Variants in SEPTIN10 observed in about 807,000 individuals in gnomAD.
SEPTIN10 encodes the protein septin-10.
In SEPTIN10, 66 loss-of-function variants were observed where a neutral mutation model predicts 54.8. The observed-to-expected ratio is 1.21, with a 90% CI of 0.99 to 1.48. The LOEUF (loss-of-function observed/expected upper bound fraction) is 1.48. SEPTIN10 is among the 40% of genes most tolerant of loss of function. The probability of loss-of-function intolerance (pLI) is 0.00; values close to 1 mark genes in which losing one functional copy is unlikely to be tolerated. For missense variants in SEPTIN10, 620 were observed against 545.6 expected (o/e 1.14, Z -1.36); for synonymous variants, 161 against 181.0 (o/e 0.89, Z 0.89).
At chr2:109,548,601 C>G (rs1435474385) in intron 9 of SEPTIN10, among the ~76,000 whole-genome samples, 2 of 151,908 alleles carry the variant, frequency 1.3e-5, no homozygotes, top group African/African-American at 4.8e-5. Context: ...CACGGGGAAA[C>G]CCCGTCTCTA....
chr2:109,596,929 A>AT (rs927307868), intron 1 of SEPTIN10, among the ~76,000 whole-genome samples: 11 of 152,142 alleles, frequency 7.2e-5, no homozygotes, highest in Admixed American at 1.3e-4. Context: ...GATTTTCTTA[A>AT]TTTTTTTAAA....
At chr2:109,590,080 A>ATG (rs1260374575) in intron 2 of SEPTIN10, among the ~76,000 whole-genome samples, 18 of 149,562 alleles carry the variant, frequency 1.2e-4, no homozygotes, top group African/African-American at 4.2e-4. Flanking sequence ...ACACATATAT[A>ATG]TGTATATATA....
Position 109,545,565 on chromosome 2 carries a change from C to T in SEPTIN10, c.1349+485G>A, listed in dbSNP as rs560027265. On this transcript the variant is annotated intron_variant, in intron 10 of 10. Transcript: ENST00000397712. ...TCCCTTATTAAAATAAAAATTCTCA[C>T]AAAATCAGTATCAGTAGAATTTGTT... The T allele has an allele frequency of 2.4e-4, 369 of 1,535,498 alleles. 2 individuals are homozygous for T. The South Asian group carries it at 4.0e-3, about 17-fold the overall frequency.
At position 109,584,304 on chromosome 2, in the gene SEPTIN10, C is replaced by CT. The variant is rs397959695; in HGVS notation, c.413+821_413+822insA. 9.3e-5 allele frequency among the ~76,000 whole-genome samples: 14 copies of CT among 150,858 alleles called. No homozygotes were observed. The South Asian group carries it at 1.1e-3, about 11-fold the overall frequency. On this transcript the variant is annotated intron_variant, in intron 4 of 10. Transcript: ENST00000397712. ...CCAGCCTGGCCAACAAGGTGAAACC[C>CT]GTCTCTACTAAAAACACAAAAAAAA...
chr2:109,598,165 C>T (rs1359584259), intron 1 of SEPTIN10, among the ~76,000 whole-genome samples: 3 of 152,126 alleles, frequency 2.0e-5, no homozygotes, highest in Non-Finnish European at 2.9e-5. Flanking sequence ...TGGGTTCAAG[C>T]GATTTGTCTG....
chr2:109,596,763 T>C (rs1450099757), intron 1 of SEPTIN10, among the ~76,000 whole-genome samples: 2 of 152,228 alleles, frequency 1.3e-5, no homozygotes, highest in East Asian at 1.9e-4. Flanking sequence ...TTTCTGAACA[T>C]TGGCCAAAAA....
Position 109,600,995 on chromosome 2 carries a change from GA to G in SEPTIN10, c.31-7877del, listed in dbSNP as rs370127024. 5.5e-3 allele frequency among the ~76,000 whole-genome samples: 838 copies of G among 152,342 alleles called. 11 individuals are homozygous for G. The South Asian group carries it at 0.056, about 10-fold the overall frequency. ...CCCAGGGGCTTCTGTCCCCATGGAG[GA>G]GGGTATGCCACCCTCCCAACACATG... is the stretch of plus-strand genomic sequence containing the variant. On this transcript the variant is annotated intron_variant, in intron 1 of 10. Coordinates refer to ENST00000397712, the MANE Select transcript of SEPTIN10 (RefSeq NM_144710.5).
chr2:109,585,044 A>C, intron 4 of SEPTIN10, 82 bp downstream of exon 4: 1 of 724,314 alleles, frequency 1.4e-6, no homozygotes, highest in Non-Finnish European at 2.1e-6. Context: ...ATAGGAGAAA[A>C]TCAAATCATA....
chr2:109,557,191 T>C (rs897007193), intron 8 of SEPTIN10, among the ~76,000 whole-genome samples: 4 of 151,960 alleles, frequency 2.6e-5, no homozygotes, highest in Admixed American at 2.0e-4. Context: ...TTAAAAAAAA[T>C]TATAAAAAAA....
intron 4 of SEPTIN10, among the ~76,000 whole-genome samples, chr2:109,583,937 C>T (rs1443579969): frequency 6.6e-6 from 1 of 152,086 alleles, no homozygotes; most frequent in Non-Finnish European, 1.5e-5. Flanking sequence ...GGGATCTAAA[C>T]ATTGGGTACA....
chr2:109,600,046 C>G (rs1030507097), intron 1 of SEPTIN10, among the ~76,000 whole-genome samples: 1 of 152,168 alleles, frequency 6.6e-6, no homozygotes, highest in African/African-American at 2.4e-5. Flanking sequence ...ACCTGTAGAG[C>G]CTTTGGAATC....
intron 8 of SEPTIN10, among the ~76,000 whole-genome samples, chr2:109,557,537 T>C (rs1194009153): frequency 2.0e-5 from 3 of 152,200 alleles, no homozygotes; most frequent in African/African-American, 7.2e-5. Context: ...CTACCACAAA[T>C]CAGATTGCCC....
Position 109,596,445 on chromosome 2 carries a change from G to T in SEPTIN10, c.31-3326C>A, listed in dbSNP as rs551999319. ...ATCCTGGCTAACACAGTGAAACCCC[G>T]TCTCTACTAAAAATACAAAAAATTA... On this transcript the variant is annotated intron_variant, in intron 1 of 10. Transcript: ENST00000397712. Among the ~76,000 whole-genome samples, 13 of 151,880 alleles carry T rather than the reference G, an allele frequency of 8.6e-5. No individual in the cohort carries two copies. In the East Asian group the frequency reaches 2.5e-3, roughly 29 times the overall value.
chr2:109,553,200 C>T lies in SEPTIN10; in HGVS notation c.1048G>A (p.Ala350Thr), dbSNP rs1355982255. Residue 350 changes from alanine (A) to threonine (T), a missense_variant, in exon 9 of 11, where the codon GCC (alanine) becomes ACC (threonine). Coordinates refer to ENST00000397712, the MANE Select transcript of SEPTIN10 (RefSeq NM_144710.5). ...TCACCATGGAACTCATGTCTTTTGGCTTCATAGGTCTCTTGAACACTAAAA... is the reference window on the plus strand; with the variant it reads ...TCACCATGGAACTCATGTCTTTTGGTTTCATAGGTCTCTTGAACACTAAAA... ...KPVSVQETYE[A>T]KRHEFHGERQ... is the part of the protein sequence containing the mutation. 1.2e-6 allele frequency: 2 copies of T among 1,613,914 alleles called. No individual in the cohort carries two copies. The highest frequency in any genetic ancestry group is 1.7e-6 in the Non-Finnish European group (2 of 1,179,998).
At chr2:109,613,236 G>C in intron 1 of SEPTIN10, 1 of 1,250,880 alleles carries the variant, frequency 8.0e-7, no homozygotes, top group Non-Finnish European at 1.0e-6. Flanking sequence ...TAACTGGAAA[G>C]GTTCAAAACA....
chr2:109,554,171 G>C (rs1305963226), intron 8 of SEPTIN10, among the ~76,000 whole-genome samples: 3 of 152,134 alleles, frequency 2.0e-5, no homozygotes, highest in African/African-American at 7.2e-5. Context: ...TGGTGCATCA[G>C]TGAGTGATGG....
chr2:109,610,010 T>C (rs1378066423), intron 1 of SEPTIN10, among the ~76,000 whole-genome samples: 1 of 151,802 alleles, frequency 6.6e-6, no homozygotes, highest in East Asian at 1.9e-4. Context: ...ATGGTGGAGA[T>C]AATGGCAGGG....
chr2:109,586,760 C>T (rs1411739540), intron 2 of SEPTIN10, among the ~76,000 whole-genome samples: 3 of 152,132 alleles, frequency 2.0e-5, no homozygotes, highest in African/African-American at 7.2e-5. Context: ...ACACCCTAGG[C>T]CTTCTACTGA....
At chr2:109,613,689 G>T in intron 1 of SEPTIN10, 109 bp downstream of exon 1, 2 of 727,006 alleles carry the variant, frequency 2.8e-6, no homozygotes, top group Non-Finnish European at 3.7e-6. Flanking sequence ...GCCGGAGGGG[G>T]CGCGGGTCAC....
Sources: allele counts gnomAD v4.1 joint callset (sites outside exome capture counted in the v4.1 genomes callset), GRCh38; gene constraint gnomAD v4.1.1; transcripts MANE v1.5; gene names NCBI Gene and HGNC (gene_info 2026-07-23, HGNC 2026-07-21).